The following DNER variants were observed in gnomAD, a reference collection of about 807,000 sequenced individuals.
DNER encodes delta and Notch-like epidermal growth factor-related receptor.
DNER carries 33 observed loss-of-function variants against 78.2 expected under a neutral mutation model. That is an observed-to-expected ratio of 0.42 (90% CI 0.32 to 0.56). The LOEUF is 0.56. Among genes scored for constraint, DNER ranks in the 20% least tolerant of loss-of-function variants. DNER has a pLI of 0.11. For missense variants in DNER, 918 were observed against 975.3 expected (o/e 0.94, Z 0.78); for synonymous variants, 417 against 384.8 (o/e 1.08, Z -0.98).
chr2:229,662,309 A>G (rs1699021875), intron 1 of DNER, among the ~76,000 whole-genome samples: 1 of 152,230 alleles, frequency 6.6e-6, no homozygotes, highest in Admixed American at 6.5e-5. Flanking sequence ...AGCCTCATCC[A>G]AAAGGGTACA....
chr2:229,504,515 C>T (rs559589008), intron 6 of DNER, among the ~76,000 whole-genome samples: 6 of 152,156 alleles, frequency 3.9e-5, no homozygotes, highest in Admixed American at 1.3e-4. Context: ...CCACCATGCC[C>T]GGCCCTGTAA....
chr2:229,567,353 G>T (rs1316278601), intron 4 of DNER, among the ~76,000 whole-genome samples: 1 of 152,180 alleles, frequency 6.6e-6, no homozygotes, highest in South Asian at 2.1e-4. Flanking sequence ...CCAAGCAGGT[G>T]CCTAGTGCAC....
At chr2:229,601,607 T>A (rs1395177277) in intron 1 of DNER, among the ~76,000 whole-genome samples, 1 of 152,230 alleles carries the variant, frequency 6.6e-6, no homozygotes, top group Non-Finnish European at 1.5e-5. Flanking sequence ...CAGCTTGTCC[T>A]GATTTTTGTA....
At chr2:229,365,469 A>G (rs1007865762) in intron 12 of DNER, among the ~76,000 whole-genome samples, 1 of 152,028 alleles carries the variant, frequency 6.6e-6, no homozygotes, top group Non-Finnish European at 1.5e-5. Flanking sequence ...CAGAGTCTCT[A>G]TCTGTCGACC....
intron 4 of DNER, among the ~76,000 whole-genome samples, chr2:229,573,709 C>T (rs1333678264): frequency 6.6e-6 from 1 of 152,142 alleles, no homozygotes; most frequent in Non-Finnish European, 1.5e-5. Context: ...TTGTGATCTT[C>T]TGGAATATGA....
intron 6 of DNER, among the ~76,000 whole-genome samples, chr2:229,487,917 C>G (rs576764664): frequency 1.3e-5 from 2 of 152,322 alleles, no homozygotes; most frequent in East Asian, 3.9e-4. Flanking sequence ...GGAAACAAGG[C>G]TAGGCTAGGG....
At chr2:229,690,549 C>T (rs1450079061) in intron 1 of DNER, among the ~76,000 whole-genome samples, 2 of 152,216 alleles carry the variant, frequency 1.3e-5, no homozygotes, top group South Asian at 4.1e-4. Flanking sequence ...GAAGTTGCTA[C>T]ACCGAATGCA....
intron 1 of DNER, among the ~76,000 whole-genome samples, chr2:229,651,381 G>C (rs966342399): frequency 1.3e-5 from 2 of 152,220 alleles, no homozygotes; most frequent in Non-Finnish European, 2.9e-5. Flanking sequence ...CTGAGTCGTC[G>C]ATGTTTTCCT....
chr2:229,649,509 CA>C (rs1263658751), intron 1 of DNER, among the ~76,000 whole-genome samples: 1 of 152,158 alleles, frequency 6.6e-6, no homozygotes, highest in Non-Finnish European at 1.5e-5. Flanking sequence ...TAAATAGTCC[CA>C]CCAGTTCTCA....
At chr2:229,622,778 G>C (rs539692504) in intron 1 of DNER, among the ~76,000 whole-genome samples, 1 of 152,284 alleles carries the variant, frequency 6.6e-6, no homozygotes, top group South Asian at 2.1e-4. Flanking sequence ...AGACAAGGGA[G>C]TGATCCATCC....
chr2:229,462,626 A>G (rs1443458384), intron 7 of DNER, among the ~76,000 whole-genome samples: 1 of 152,106 alleles, frequency 6.6e-6, no homozygotes. Flanking sequence ...GTTTTCTCTT[A>G]TGAGATTCCC....
At chr2:229,362,504 A>G (rs896517905) in intron 12 of DNER, among the ~76,000 whole-genome samples, 5 of 152,216 alleles carry the variant, frequency 3.3e-5, no homozygotes, top group Admixed American at 3.3e-4. Flanking sequence ...TCTCATTAAC[A>G]AACTCTGGCT....
At chr2:229,415,293 A>T (rs960782315) in intron 9 of DNER, among the ~76,000 whole-genome samples, 2 of 152,120 alleles carry the variant, frequency 1.3e-5, no homozygotes, top group Non-Finnish European at 2.9e-5. Context: ...TCTGCCAATA[A>T]CCTAAGGGGA....
At chr2:229,453,378 T>C (rs1227825385) in intron 7 of DNER, among the ~76,000 whole-genome samples, 1 of 152,144 alleles carries the variant, frequency 6.6e-6, no homozygotes, top group Non-Finnish European at 1.5e-5. Context: ...TTGTGCAAAG[T>C]GAGTTGAGAT....
chr2:229,663,623 A>G (rs754422638), intron 1 of DNER, among the ~76,000 whole-genome samples: 2 of 152,212 alleles, frequency 1.3e-5, no homozygotes, highest in Non-Finnish European at 2.9e-5. Context: ...TCTCAATTGT[A>G]TCGTGCAAAG....
intron 5 of DNER, among the ~76,000 whole-genome samples, chr2:229,525,819 T>G (rs1696197319): frequency 6.6e-6 from 1 of 152,170 alleles, no homozygotes. Flanking sequence ...TTCACCATGT[T>G]GGCCAGGCTG....
intron 4 of DNER, among the ~76,000 whole-genome samples, chr2:229,558,598 C>A (rs1203336071): frequency 2.6e-5 from 4 of 152,062 alleles, no homozygotes; most frequent in African/African-American, 9.7e-5. Context: ...TCTGTGATTC[C>A]ATTTATGAGG....
intron 12 of DNER, among the ~76,000 whole-genome samples, chr2:229,366,324 C>T (rs765047150): frequency 2.5e-4 from 38 of 152,246 alleles, no homozygotes; most frequent in Middle Eastern, 3.4e-3. Flanking sequence ...AGTCAGGTAA[C>T]GGAGTCATTA....
In DNER at chr2:229,521,079, T is replaced by C. The variant is rs372832033; in HGVS notation, c.994-8143A>G. On this transcript the variant is annotated intron_variant, in intron 5 of 12. Coordinates refer to ENST00000341772, the MANE Select transcript of DNER (RefSeq NM_139072.4). ...AATTCCTGCTTACAGAGCCTATGAATAAAAAGTCCGAAGACCTCTCTAAAC... is the reference window on the plus strand; with the variant it reads ...AATTCCTGCTTACAGAGCCTATGAACAAAAAGTCCGAAGACCTCTCTAAAC... Among the ~76,000 whole-genome samples, 22 of 152,228 alleles carry C rather than the reference T, an allele frequency of 1.4e-4. 1 individual carries two copies. In the South Asian group the frequency reaches 4.1e-3, roughly 29 times the overall value.
Sources: allele counts gnomAD v4.1 joint callset (sites outside exome capture counted in the v4.1 genomes callset), GRCh38; gene constraint gnomAD v4.1.1; transcripts MANE v1.5; gene names NCBI Gene and HGNC (gene_info 2026-07-23, HGNC 2026-07-21).